CAPN8: variants seen among roughly 807,000 people sequenced by gnomAD.
CAPN8 encodes calpain-8.
A neutral mutation model predicts 80.9 loss-of-function variants in CAPN8; 87 were observed. The observed-to-expected ratio is 1.07, with a 90% CI of 0.90 to 1.28. The LOEUF (loss-of-function observed/expected upper bound fraction) is 1.28. Among genes scored for constraint, CAPN8 ranks in the 50% most tolerant of loss-of-function variants. The pLI, the probability that CAPN8 is intolerant of heterozygous loss-of-function variation, is 0.00. For synonymous variants in CAPN8, 299 were observed against 273.8 expected, an observed-to-expected ratio of 1.09 and a Z score of -0.91; for missense variants, 757 against 702.0, an observed-to-expected ratio of 1.08 and a Z score of -0.89.
intron 1 of CAPN8, among the ~76,000 whole-genome samples, chr1:223,655,777 G>T (rs1658469757): frequency 6.6e-6 from 1 of 152,136 alleles, no homozygotes. Context: ...TCTACGTACT[G>T]GTTCCTAAAG....
chr1:223,641,852 T>C (rs1309546951), intron 2 of CAPN8, among the ~76,000 whole-genome samples: 2 of 152,198 alleles, frequency 1.3e-5, no homozygotes, highest in Non-Finnish European at 2.9e-5. Context: ...ATTTGATAAA[T>C]ATTTAAATGA....
chr1:223,629,017 C>G (rs758172546), intron 2 of CAPN8: 226 of 509,688 alleles, frequency 4.4e-4, no homozygotes, highest in Non-Finnish European at 6.7e-4. Context: ...CCCCCTCCCC[C>G]ACATGCTGAT....
intron 10 of CAPN8, among the ~76,000 whole-genome samples, chr1:223,615,320 T>C (rs1161158948): frequency 6.6e-6 from 1 of 152,208 alleles, no homozygotes; most frequent in Non-Finnish European, 1.5e-5. Context: ...CCAATTTGCT[T>C]CTGGCTAGAC....
At chr1:223,638,639 G>A (rs925643340) in intron 2 of CAPN8, among the ~76,000 whole-genome samples, 2 of 152,250 alleles carry the variant, frequency 1.3e-5, no homozygotes, top group African/African-American at 4.8e-5. Flanking sequence ...GTGCCTCCGG[G>A]AATCGTAGGC....
chr1:223,625,771 C>A (rs759167719), intron 6 of CAPN8, 34 bp downstream of exon 6: 49 of 1,506,400 alleles, frequency 3.3e-5, no homozygotes, highest in Non-Finnish European at 4.1e-5. Context: ...AATATTATCA[C>A]ACGTTACCTT....
chr1:223,550,769 C>G (rs1340109543), intron 15 of CAPN8, among the ~76,000 whole-genome samples, 191 bp downstream of exon 15: 2 of 152,120 alleles, frequency 1.3e-5, no homozygotes, highest in African/African-American at 4.8e-5. Context: ...CACCTCCACC[C>G]TCGCCTCCCC....
intron 9 of CAPN8, chr1:223,617,496 T>C (rs1351005529): frequency 6.6e-6 from 1 of 152,208 alleles, no homozygotes; most frequent in East Asian, 1.9e-4. Context: ...GCAGCATGGA[T>C]GGGACTGTGA....
intron 1 of CAPN8, among the ~76,000 whole-genome samples, chr1:223,656,060 G>C (rs562536292): frequency 6.6e-6 from 1 of 152,308 alleles, no homozygotes; most frequent in African/African-American, 2.4e-5. Context: ...CTGGGATTCT[G>C]CTGTGTGAGG....
intron 10 of CAPN8, among the ~76,000 whole-genome samples, chr1:223,612,988 C>G (rs1440607284): frequency 2.6e-5 from 4 of 152,178 alleles, no homozygotes; most frequent in Non-Finnish European, 5.9e-5. Flanking sequence ...TTATATGCAA[C>G]TGGAAGTGTT....
intron 2 of CAPN8, among the ~76,000 whole-genome samples, chr1:223,637,673 T>C (rs947324639): frequency 1.3e-5 from 2 of 152,196 alleles, no homozygotes; most frequent in Non-Finnish European, 2.9e-5. Context: ...TATGCCATCA[T>C]CACTCACCAG....
chr1:223,632,384 T>TTTTGTTTTGC (rs1454165752), intron 2 of CAPN8, among the ~76,000 whole-genome samples: 2 of 152,190 alleles, frequency 1.3e-5, no homozygotes, highest in Non-Finnish European at 2.9e-5. Flanking sequence ...TTTTGTTTTG[T>TTTTGTTTTGC]TTTGTTTTGA....
Position 223,551,027 on chromosome 1 carries a change from G to A in CAPN8, c.1642-10C>T, listed in dbSNP as rs1318202672. ...CAGTAATCTCAGAATCCTAGAAAGA[G>A]GAACCCAAATGCAAATCATGTCAGG... On this transcript the variant is annotated splice_polypyrimidine_tract_variant and intron_variant, in intron 14 of 20. Transcript: ENST00000366872. 1.4e-6 allele frequency: 1 copy of A among 717,916 alleles called. No homozygotes were observed. 44.5% of individuals were successfully genotyped at this position (717,916 alleles called of 1,614,324 possible). A position where few individuals can be genotyped will look rare whatever the true frequency, so the allele number is the denominator to read the frequency against.
At chr1:223,546,669 T>G (rs896992026) in intron 16 of CAPN8, among the ~76,000 whole-genome samples, 1 of 152,176 alleles carries the variant, frequency 6.6e-6, no homozygotes, top group Non-Finnish European at 1.5e-5. Flanking sequence ...GACATAATTA[T>G]CCCATTTTCC....
At chr1:223,612,612 C>T (rs1014395279) in intron 10 of CAPN8, among the ~76,000 whole-genome samples, 5 of 152,042 alleles carry the variant, frequency 3.3e-5, no homozygotes, top group African/African-American at 1.2e-4. Flanking sequence ...GACCTGGTGT[C>T]CAAGATCAAG....
At chr1:223,646,141 C>A (rs897732682) in intron 2 of CAPN8, among the ~76,000 whole-genome samples, 1 of 152,204 alleles carries the variant, frequency 6.6e-6, no homozygotes, top group South Asian at 2.1e-4. Context: ...GGTGACACAG[C>A]AACCACAGGG....
intron 1 of CAPN8, among the ~76,000 whole-genome samples, chr1:223,662,672 G>A (rs1558360649): frequency 6.6e-6 from 1 of 152,112 alleles, no homozygotes; most frequent in Non-Finnish European, 1.5e-5. Flanking sequence ...TTTATGTTAT[G>A]TGTATCATAC....
intron 1 of CAPN8, among the ~76,000 whole-genome samples, chr1:223,664,804 T>C (rs576936899): frequency 7.2e-5 from 11 of 152,312 alleles, no homozygotes; most frequent in Non-Finnish European, 1.5e-4. Context: ...CTGGGTGTGG[T>C]GGCACGTGCC....
intron 2 of CAPN8, among the ~76,000 whole-genome samples, chr1:223,629,259 G>A (rs1483308313): frequency 1.4e-5 from 2 of 139,974 alleles, no homozygotes; most frequent in Non-Finnish European, 3.1e-5. Context: ...CCTGACCTTG[G>A]ATAATGAAGA....
intron 6 of CAPN8, among the ~76,000 whole-genome samples, chr1:223,624,627 T>C (rs1657509135): frequency 6.6e-6 from 1 of 151,662 alleles, no homozygotes; most frequent in Non-Finnish European, 1.5e-5. Flanking sequence ...AGCAGGAGGG[T>C]CACTTGAGCC....
Sources: gnomAD v4.1 joint callset for allele counts (sites outside exome capture counted in the v4.1 genomes callset) on GRCh38, gnomAD v4.1.1 for gene constraint, MANE v1.5 for transcripts, NCBI Gene and HGNC (gene_info 2026-07-23, HGNC 2026-07-21) for gene names.